The following SLC24A2 variants were observed in gnomAD, a reference collection of about 807,000 sequenced individuals.
SLC24A2 encodes the protein solute carrier family 24 member 2.
Under a neutral mutation model 62.0 loss-of-function variants are expected in SLC24A2, and 36 were observed. The observed-to-expected ratio is 0.58, with a 90% CI of 0.44 to 0.77. SLC24A2 has a LOEUF of 0.77. Among genes scored for constraint, SLC24A2 ranks in the 30% least tolerant of loss-of-function variants. SLC24A2 has a pLI of 0.00. For synonymous variants in SLC24A2, 358 were observed against 294.0 expected (o/e 1.22, Z -2.23); for missense variants, 846 against 817.9 (o/e 1.03, Z -0.42).
the SLC24A2 span, among the ~76,000 whole-genome samples, chr9:20,066,428 C>T: frequency 1.7e-4 from 26 of 152,080 alleles, no homozygotes; most frequent in African/African-American, 5.6e-4. Context: ...AGGGGGGAAA[C>T]GGGAAATTAA....
At chr9:19,585,783 A>T (rs888806111) in intron 5 of SLC24A2, among the ~76,000 whole-genome samples, 1 of 152,190 alleles carries the variant, frequency 6.6e-6, no homozygotes, top group African/African-American at 2.4e-5. Flanking sequence ...CCTGATGCAA[A>T]GGGTAAATGA....
chr9:20,111,868 A>G, the SLC24A2 span, among the ~76,000 whole-genome samples: 1 of 152,174 alleles, frequency 6.6e-6, no homozygotes, highest in Non-Finnish European at 1.5e-5. Flanking sequence ...ATCTAAAATG[A>G]AAATGTTCTT....
At chr9:19,978,868 A>G in the SLC24A2 span, among the ~76,000 whole-genome samples, 1 of 152,174 alleles carries the variant, frequency 6.6e-6, no homozygotes, top group Non-Finnish European at 1.5e-5. Flanking sequence ...AAAGAGCTCT[A>G]CTGAACAAAA....
At chr9:19,996,285 A>G in the SLC24A2 span, among the ~76,000 whole-genome samples, 2 of 152,230 alleles carry the variant, frequency 1.3e-5, no homozygotes, top group Admixed American at 6.5e-5. Flanking sequence ...GAATATTTTC[A>G]TAAGTCCTGG....
At chr9:20,110,648 A>G in the SLC24A2 span, among the ~76,000 whole-genome samples, 17,222 of 152,140 alleles carry the variant, frequency 0.11, 1,026 homozygotes, top group Middle Eastern at 0.18. Context: ...TTGTTACTAG[A>G]TCTTCTCTTT....
the SLC24A2 span, among the ~76,000 whole-genome samples, chr9:20,163,177 G>C: frequency 6.6e-6 from 1 of 152,126 alleles, no homozygotes; most frequent in East Asian, 1.9e-4. Context: ...ACTAGGAAAA[G>C]AGGAAGTCAA....
In SLC24A2 at chr9:19,513,607, T is replaced by A. The variant is rs1832814451; in HGVS notation, c.*2546A>T. ...CATAGCTGCTTTGATCAGCCTTCAC[T>A]GTAAGCTGGGAATAAATGGGAGGGA... On this transcript the variant is annotated 3_prime_UTR_variant, in exon 11 of 11. Transcript: ENST00000341998. 1 of 152,010 alleles carries A rather than the reference T, an allele frequency of 6.6e-6. No homozygotes were observed. The highest frequency in any genetic ancestry group is 2.1e-4 in the South Asian group (1 of 4,810). 9.4% of individuals were successfully genotyped at this position (152,010 alleles called of 1,614,324 possible). A position where few individuals can be genotyped will look rare whatever the true frequency, so the allele number is the denominator to read the frequency against.
chr9:19,565,059 G>A (rs1032881785), intron 7 of SLC24A2, among the ~76,000 whole-genome samples: 3 of 152,086 alleles, frequency 2.0e-5, no homozygotes, highest in Non-Finnish European at 4.4e-5. Flanking sequence ...GCACAAGACA[G>A]GGATGTCTTC....
At chr9:19,757,062 ATTGTGCC>A (rs1159993922) in intron 2 of SLC24A2, among the ~76,000 whole-genome samples, 1 of 151,978 alleles carries the variant, frequency 6.6e-6, no homozygotes, top group Non-Finnish European at 1.5e-5. Context: ...GGTGGGAGGC[ATTGTGCC>A]CAGCCTGAAA....
At chr9:19,957,684 T>C in the SLC24A2 span, 1 of 152,384 alleles carries the variant, frequency 6.6e-6, no homozygotes, top group Non-Finnish European at 1.5e-5. Flanking sequence ...AACTGGACTT[T>C]GCTGGAATTT....
chr9:20,161,093 AAT>A, the SLC24A2 span, among the ~76,000 whole-genome samples: 24 of 151,524 alleles, frequency 1.6e-4, no homozygotes, highest in South Asian at 8.3e-4. Context: ...AAAATTATGA[AAT>A]ACTGTTATAT....
At chr9:19,518,116 G>A (rs1833024178) in intron 10 of SLC24A2, among the ~76,000 whole-genome samples, 1 of 152,050 alleles carries the variant, frequency 6.6e-6, no homozygotes, top group Non-Finnish European at 1.5e-5. Context: ...ACTTTACTCA[G>A]AAAATGATCA....
intron 2 of SLC24A2, among the ~76,000 whole-genome samples, chr9:19,691,454 T>C (rs1425712943): frequency 6.6e-6 from 1 of 152,120 alleles, no homozygotes; most frequent in Non-Finnish European, 1.5e-5. Context: ...TCAAGGTGAC[T>C]GAAGACCACA....
intron 2 of SLC24A2, among the ~76,000 whole-genome samples, chr9:19,743,021 G>C (rs888665001): frequency 6.6e-6 from 1 of 152,152 alleles, no homozygotes; most frequent in Admixed American, 6.6e-5. Context: ...TTACTGTTTC[G>C]ATGACGGGCT....
chr9:20,283,305 A>C, the SLC24A2 span, among the ~76,000 whole-genome samples: 2 of 152,186 alleles, frequency 1.3e-5, no homozygotes, highest in Admixed American at 1.3e-4. Flanking sequence ...TGTGCATAGG[A>C]AACAGGTCGA....
rs940224392 is a variant in SLC24A2, at chr9:19,513,421, G to C, written c.*2732C>G. On this transcript the variant is annotated 3_prime_UTR_variant, in exon 11 of 11. Coordinates refer to ENST00000341998, the MANE Select transcript of SLC24A2 (RefSeq NM_020344.4). Reference sequence around the variant, plus strand: ...GCAAGGGCAGGCTGTGGAATCACTTGTGTCCCATCCAGTGAGGGAGCAGTG... The same window carrying C: ...GCAAGGGCAGGCTGTGGAATCACTTCTGTCCCATCCAGTGAGGGAGCAGTG... 6.6e-6 allele frequency: 1 copy of C among 152,088 alleles called. No individual in the cohort carries two copies. Among genetic ancestry groups the C allele is most frequent in the South Asian group, 2.1e-4 (1 of 4,818 alleles). 9.4% of individuals were successfully genotyped at this position (152,088 alleles called of 1,614,324 possible). A position where few individuals can be genotyped will look rare whatever the true frequency, so the allele number is the denominator to read the frequency against.
Position 19,576,970 on chromosome 9 carries a change from ACATTTC to A in SLC24A2, c.1176_1181del (p.Lys392_Cys394delinsAsn). On this transcript the variant is annotated inframe_deletion, in exon 6 of 11. Transcript: ENST00000341998. ...TCTGCCTCTCGTTCTCATCCACATG[ACATTTC>A]TTCTTGGCGATCTTGTGGAGAATTG... 6.2e-7 allele frequency: 1 copy of A among 1,614,136 alleles called. No individual in the cohort carries two copies. Among genetic ancestry groups the A allele is most frequent in the Non-Finnish European group, 8.5e-7 (1 of 1,180,016 alleles).
At chr9:20,043,161 G>C in the SLC24A2 span, among the ~76,000 whole-genome samples, 1 of 152,190 alleles carries the variant, frequency 6.6e-6, no homozygotes, top group African/African-American at 2.4e-5. Flanking sequence ...CACGCCAAAA[G>C]CTAGGGCTCT....
chr9:19,621,116 C>A (rs1344546628), intron 3 of SLC24A2, among the ~76,000 whole-genome samples: 3 of 152,176 alleles, frequency 2.0e-5, no homozygotes, highest in African/African-American at 7.2e-5. Flanking sequence ...AAACTATTAT[C>A]CATAGGATCT....
Sources: gnomAD v4.1 joint callset for allele counts (sites outside exome capture counted in the v4.1 genomes callset) on GRCh38, gnomAD v4.1.1 for gene constraint, MANE v1.5 for transcripts, NCBI Gene and HGNC (gene_info 2026-07-23, HGNC 2026-07-21) for gene names.